The following GHRHR variants were observed in gnomAD, a reference collection of about 807,000 sequenced individuals.
The protein encoded by GHRHR is growth hormone-releasing hormone receptor.
Under a neutral mutation model 58.3 loss-of-function variants are expected in GHRHR, and 40 were observed. The ratio of observed to expected loss-of-function variants is 0.69; its 90% confidence interval spans 0.53 to 0.89. The LOEUF is 0.89. GHRHR is among the 40% of genes least tolerant of loss of function. The pLI is 0.00. For missense variants in GHRHR, 551 were observed against 541.3 expected (o/e 1.02, Z -0.18); for synonymous variants, 249 against 216.6 (o/e 1.15, Z -1.31).
At chr7:30,968,607 TCC>T in intron 1 of GHRHR, among the ~76,000 whole-genome samples, 5 of 64,046 alleles carry the variant, frequency 7.8e-5, no homozygotes, top group African/African-American at 3.6e-4. Context: ...CCTCCCTCTC[TCC>T]CTCCCTCCCT....
At chr7:30,972,747 G>T (rs896915663) in intron 6 of GHRHR, among the ~76,000 whole-genome samples, 5 of 152,180 alleles carry the variant, frequency 3.3e-5, no homozygotes, top group Admixed American at 6.5e-5. Context: ...AAGGGAAGTT[G>T]GGCAGAATGT....
In GHRHR at chr7:30,974,905, G is replaced by A. The variant is rs1283189756; in HGVS notation, c.813-66G>A. ...ACCAGAAGGCATGAATGCCTGAGAG[G>A]GAGGTGCCTGCGTCACCACAGTGAA... On this transcript the variant is annotated intron_variant, in intron 8 of 12. Coordinates refer to ENST00000326139, the MANE Select transcript of GHRHR (RefSeq NM_000823.4). 5 of 999,894 alleles carry A rather than the reference G, an allele frequency of 5.0e-6. No homozygotes were observed. The East Asian group carries it at 7.1e-5, about 14-fold the overall frequency. 61.9% of individuals were successfully genotyped at this position (999,894 alleles called of 1,614,324 possible). A position where few individuals can be genotyped will look rare whatever the true frequency, so the allele number is the denominator to read the frequency against.
At chr7:30,974,522 T>A in intron 8 of GHRHR, 33 bp downstream of exon 8, 1 of 1,469,482 alleles carries the variant, frequency 6.8e-7, no homozygotes, top group Non-Finnish European at 9.5e-7. Context: ...TCATACCCGC[T>A]GGTCCTACAT....
intron 1 of GHRHR, among the ~76,000 whole-genome samples, chr7:30,964,444 A>C (rs10266959): frequency 0.36 from 54,845 of 152,088 alleles, 11,111 homozygotes; most frequent in African/African-American, 0.56. Context: ...TCTGTCTGCC[A>C]CAAGACAGTG....
At chr7:30,976,794 A>G (rs947416230) in intron 11 of GHRHR, among the ~76,000 whole-genome samples, 1 of 151,818 alleles carries the variant, frequency 6.6e-6, no homozygotes, top group Admixed American at 6.6e-5. Flanking sequence ...GCATCCATCC[A>G]TCCATCCATA....
chr7:30,970,292 G>A (rs1792457058), intron 4 of GHRHR, among the ~76,000 whole-genome samples: 1 of 152,136 alleles, frequency 6.6e-6, no homozygotes, highest in East Asian at 1.9e-4. Flanking sequence ...AGCAGCCCTG[G>A]GAAGCTCCTT....
intron 10 of GHRHR, 92 bp from the exon 11 acceptor site, chr7:30,976,337 T>C: frequency 8.7e-7 from 1 of 1,151,284 alleles, no homozygotes; most frequent in South Asian, 1.2e-5. Flanking sequence ...ACAGAGTGGA[T>C]ATAGGGAGGT....
At position 30,979,367 on chromosome 7, in the gene GHRHR, G is replaced by T. The variant is rs929505290; in HGVS notation, c.*123G>T. ...AGCTGTTACCCAGCCCGGGGCAGGT[G>T]CAGCCCTTCCTCCCTGTCTCTGCAT... is the stretch of plus-strand genomic sequence containing the variant. On this transcript the variant is annotated 3_prime_UTR_variant, in exon 13 of 13. Transcript: ENST00000326139. 3 of 926,116 alleles carry T rather than the reference G, an allele frequency of 3.2e-6. No individual in the cohort carries two copies. Among genetic ancestry groups the T allele is most frequent in the Non-Finnish European group, 5.1e-6 (3 of 592,796 alleles). 57.4% of individuals were successfully genotyped at this position (926,116 alleles called of 1,614,324 possible).
At chr7:30,978,542 T>C (rs1792629660) in intron 12 of GHRHR, among the ~76,000 whole-genome samples, 2 of 152,212 alleles carry the variant, frequency 1.3e-5, no homozygotes, top group Non-Finnish European at 2.9e-5. Flanking sequence ...CTCTACTGCA[T>C]GAGGCACATT....
At position 30,964,097 on chromosome 7, in the gene GHRHR, T is replaced by G. The variant is rs139599160; in HGVS notation, c.29T>G (p.Val10Gly). 308 of 1,550,080 alleles carry G rather than the reference T, an allele frequency of 2.0e-4. No homozygotes were observed. The highest frequency in any genetic ancestry group is 3.3e-4 in the Admixed American group (17 of 50,992). Residue 10 changes from valine (V) to glycine (G), a missense_variant, in exon 1 of 13, where the codon GTC becomes GGC. Coordinates refer to ENST00000326139, the MANE Select transcript of GHRHR (RefSeq NM_000823.4). ...GACCGCCGGATGTGGGGGGCCCACG[T>G]CTTCTGCGTGTTGAGCCCGTTACCG... MDRRMWGAH[V>G]FCVLSPLPTV...
chr7:30,964,602 T>C (rs2128596240), intron 1 of GHRHR, among the ~76,000 whole-genome samples: 1 of 152,288 alleles, frequency 6.6e-6, no homozygotes, highest in Non-Finnish European at 1.5e-5. Flanking sequence ...TGAGCCACTC[T>C]CCAGTTTGGT....
intron 1 of GHRHR, 117 bp downstream of exon 1, chr7:30,964,242 C>A: frequency 1.1e-6 from 1 of 929,008 alleles, no homozygotes; most frequent in Non-Finnish European, 1.7e-6. Flanking sequence ...TAGAGTCCCT[C>A]CCTACGAGCA....
chr7:30,970,400 C>T (rs552563386), intron 4 of GHRHR, among the ~76,000 whole-genome samples: 1 of 152,354 alleles, frequency 6.6e-6, no homozygotes, highest in South Asian at 2.1e-4. Context: ...GAGCTCCTAA[C>T]ACCAGCCAGC....
At chr7:30,964,737 G>T (rs1273486842) in intron 1 of GHRHR, among the ~76,000 whole-genome samples, 1 of 152,196 alleles carries the variant, frequency 6.6e-6, no homozygotes, top group East Asian at 1.9e-4. Context: ...GGCTGGAGAG[G>T]CTTTTGGCAA....
chr7:30,974,947 C>A, intron 8 of GHRHR, 24 bp from the exon 9 acceptor site: 6 of 1,554,548 alleles, frequency 3.9e-6, no homozygotes, highest in Non-Finnish European at 4.4e-6. Context: ...TTTCCAACAA[C>A]GGCCTTCTTT....
rs4988496 is a variant in GHRHR at position 30,969,071 on chromosome 7, G to A, written c.169G>A (p.Ala57Thr). 102,650 of 1,578,878 alleles carry A rather than the reference G, an allele frequency of 0.065. 5,415 individuals are homozygous for A. Among genetic ancestry groups the A allele is most frequent in the African/African-American group, 0.28 (20,754 of 74,480 alleles). ...EMPNTTLGCP[A>T]TWDGLLCWPT... ...CCTGGCTCTCTATCCAGGCTGCCCTGCGACCTGGGATGGGCTGCTGTGCTG... is the reference window on the plus strand; with the variant it reads ...CCTGGCTCTCTATCCAGGCTGCCCTACGACCTGGGATGGGCTGCTGTGCTG... The change falls in exon 3 of 13, where the codon GCG becomes ACG. Residue 57 changes from alanine to threonine, a missense_variant. Transcript: ENST00000326139.
intron 9 of GHRHR, 41 bp from the exon 10 acceptor site, chr7:30,975,736 C>A (rs767227945): frequency 3.3e-6 from 4 of 1,214,300 alleles, no homozygotes; most frequent in African/African-American, 1.5e-5. Flanking sequence ...AAGGCTACCC[C>A]CTGACCCTTG....
At chr7:30,975,703 G>A in intron 9 of GHRHR, 74 bp from the exon 10 acceptor site, 3 of 829,040 alleles carry the variant, frequency 3.6e-6, no homozygotes, top group Non-Finnish European at 6.4e-6. Context: ...CCCCAAATGG[G>A]CTGGGGCTCA....
intron 6 of GHRHR, among the ~76,000 whole-genome samples, chr7:30,973,196 A>C (rs936002774): frequency 6.6e-6 from 1 of 152,208 alleles, no homozygotes; most frequent in Admixed American, 6.5e-5. Flanking sequence ...GATCATCATG[A>C]AGGTCTTCAT....
Sources: allele counts gnomAD v4.1 joint callset (sites outside exome capture counted in the v4.1 genomes callset), GRCh38; gene constraint gnomAD v4.1.1; transcripts MANE v1.5; gene names NCBI Gene and HGNC (gene_info 2026-07-23, HGNC 2026-07-21).